The following CBS variants were observed in gnomAD, a reference collection of about 807,000 sequenced individuals.
CBS encodes beta-thionase.
For missense variants in CBS, 27 were observed against 124.8 expected (o/e 0.22, Z 3.73); for synonymous variants, 23 against 52.2 (o/e 0.44, Z 2.41).
chr21:43,066,244 G>A lies in CBS; in HGVS notation c.450C>T (p.Thr150=), dbSNP rs750030593. The stretch of plus-strand genomic sequence containing the variant: ...ACCCCCTCTGGGCCTGGCACCCACC[G>A]GTGTTCCCGGATGTCGGCTCGATAA... ...DTIIEPTSGN[T]GIGLALAAAV... is the part of the protein sequence containing the mutation. Residue 150 remains threonine, a splice_region_variant and synonymous_variant, in exon 5 of 17, where the codon ACC becomes ACT. Transcript: ENST00000398165. 5.2e-6 allele frequency: 7 copies of A among 1,349,502 alleles called. No individual in the cohort carries two copies. The highest frequency in any genetic ancestry group is 2.2e-4 in the Middle Eastern group (1 of 4,636). 83.6% of individuals were successfully genotyped at this position (1,349,502 alleles called of 1,614,324 possible).
rs1313158756 is a variant in CBS, at chr21:43,066,851, C to A, written c.317-474G>T. Among the ~76,000 whole-genome samples the A allele has an allele frequency of 2.8e-5, 3 of 106,720 alleles. 1 individual carries two copies. The highest frequency in any genetic ancestry group is 7.8e-5 in the Admixed American group (1 of 12,832). 70.0% of individuals were successfully genotyped at this position (106,720 alleles called of 152,430 possible). A position where few individuals can be genotyped will look rare whatever the true frequency, so the allele number is the denominator to read the frequency against. ...TCTCCCTACAGCCTCCCATTGTCCT[C>A]CTCCCCCTGTGGGGCGTCACCTGCC... On this transcript the variant is annotated intron_variant, in intron 4 of 16. Coordinates refer to ENST00000398165, the MANE Select transcript of CBS (RefSeq NM_000071.3).
chr21:43,068,657 A>G, intron 3 of CBS, 42 bp from the exon 4 acceptor site: 6 of 362,870 alleles, frequency 1.7e-5, no homozygotes, highest in South Asian at 1.3e-4. Context: ...AAAAAAAAAA[A>G]AATAGTACCA....
rs1982689646 is a variant in CBS, at chr21:43,066,104, G to C, written c.451+139C>G. The C allele has an allele frequency of 5.2e-6, 3 of 580,848 alleles. No homozygotes were observed. In the Admixed American group the frequency reaches 7.2e-5, roughly 14 times the overall value. 36.0% of individuals were successfully genotyped at this position (580,848 alleles called of 1,614,324 possible). ...AGGTTGGGACACAGGCCGGCAGCGG[G>C]TGCAAGATGCCAGGGAGCAGGCGGC... On this transcript the variant is annotated intron_variant, in intron 5 of 16. Coordinates refer to ENST00000398165, the MANE Select transcript of CBS (RefSeq NM_000071.3).
chr21:43,066,647 T>TG (rs1403029712), intron 4 of CBS, among the ~76,000 whole-genome samples: 1 of 68,588 alleles, frequency 1.5e-5, no homozygotes, highest in Non-Finnish European at 2.8e-5. Context: ...CAGCCCTCAC[T>TG]GGGGGGCGCC....
In CBS at chr21:43,066,171, C is replaced by T; in HGVS notation, c.451+72G>A. ...TGCGGCTGCAGCTCAGCCATCCCCC[C>T]CGGGTCCCGGCAGGCTCGGCATGGG... On this transcript the variant is annotated intron_variant, in intron 5 of 16. Coordinates refer to ENST00000398165, the MANE Select transcript of CBS (RefSeq NM_000071.3). 4 of 1,275,664 alleles carry T rather than the reference C, an allele frequency of 3.1e-6. 1 individual carries two copies. Among genetic ancestry groups the T allele is most frequent in the Non-Finnish European group, 3.3e-6 (3 of 913,132 alleles). 79.0% of individuals were successfully genotyped at this position (1,275,664 alleles called of 1,614,324 possible). A position where few individuals can be genotyped will look rare whatever the true frequency, so the allele number is the denominator to read the frequency against.
intron 4 of CBS, chr21:43,067,961 C>T (rs1983032660): frequency 8.7e-6 from 1 of 115,124 alleles, no homozygotes; most frequent in Non-Finnish European, 1.9e-5. Flanking sequence ...AAGAAATGCC[C>T]TTCCCCGGAG....
rs368848051 is a variant in CBS at position 43,056,792 on chromosome 21, G to A, written c.1552+11C>T. The A allele has an allele frequency of 7.3e-6, 1 of 137,886 alleles. No homozygotes were observed. The highest frequency in any genetic ancestry group is 1.4e-5 in the Non-Finnish European group (1 of 70,422). 8.5% of individuals were successfully genotyped at this position (137,886 alleles called of 1,614,324 possible). On this transcript the variant is annotated intron_variant, in intron 16 of 16. Coordinates refer to ENST00000398165, the MANE Select transcript of CBS (RefSeq NM_000071.3). ...GTGAGAACCCCACGCACAGAGCAGG[G>A]CCCCACTCACACTGGATCTGCTCGT...
Position 43,066,149 on chromosome 21 carries a change from G to A in CBS, c.451+94C>T, listed in dbSNP as rs1246332135. On this transcript the variant is annotated intron_variant, in intron 5 of 16. Transcript: ENST00000398165. ...GGCGGCCAGGCGGGCCAGCACATGCGGCTGCAGCTCAGCCATCCCCCCCGG... is the reference window on the plus strand; with the variant it reads ...GGCGGCCAGGCGGGCCAGCACATGCAGCTGCAGCTCAGCCATCCCCCCCGG... 6.3e-6 allele frequency: 7 copies of A among 1,109,538 alleles called. 1 individual carries two copies. Among genetic ancestry groups the A allele is most frequent in the East Asian group, 4.6e-5 (2 of 43,138 alleles). 68.7% of individuals were successfully genotyped at this position (1,109,538 alleles called of 1,614,324 possible).
At chr21:43,067,822 C>T (rs989386724) in intron 4 of CBS, 2 of 373,580 alleles carry the variant, frequency 5.4e-6, no homozygotes, top group African/African-American at 3.3e-5. Context: ...CCCGCCTTGT[C>T]CCCAAGGCCT....
rs532629910 is a variant in CBS, at chr21:43,066,857, C to G, written c.317-480G>C. Among the ~76,000 whole-genome samples, 94 of 114,540 alleles carry G rather than the reference C, an allele frequency of 8.2e-4. 19 individuals carry two copies. Among genetic ancestry groups the G allele is most frequent in the Non-Finnish European group, 1.5e-3 (84 of 56,586 alleles). 75.1% of individuals were successfully genotyped at this position (114,540 alleles called of 152,430 possible). Reference sequence around the variant, plus strand: ...TACAGCCTCCCATTGTCCTCCTCCCCCTGTGGGGCGTCACCTGCCCGGGGA... The same window carrying G: ...TACAGCCTCCCATTGTCCTCCTCCCGCTGTGGGGCGTCACCTGCCCGGGGA... On this transcript the variant is annotated intron_variant, in intron 4 of 16. Coordinates refer to ENST00000398165, the MANE Select transcript of CBS (RefSeq NM_000071.3).
rs187315680 is a variant in CBS at position 43,066,661 on chromosome 21, G to A, written c.317-284C>T. 1.2e-4 allele frequency among the ~76,000 whole-genome samples: 9 copies of A among 72,718 alleles called. 2 individuals carry two copies. The highest frequency in any genetic ancestry group is 7.5e-4 in the Admixed American group (7 of 9,324). The allele number at this position is 72,718 out of a possible 152,430, so 47.7% of individuals were successfully genotyped here. A position where few individuals can be genotyped will look rare whatever the true frequency, so the allele number is the denominator to read the frequency against. On this transcript the variant is annotated intron_variant, in intron 4 of 16. Coordinates refer to ENST00000398165, the MANE Select transcript of CBS (RefSeq NM_000071.3). The stretch of plus-strand genomic sequence containing the variant: ...GCAGCCCTCACTGGGGGGCGCCGCA[G>A]AAAACCCCGTCCCCCCACCCACGAG...
chr21:43,068,269 C>A, intron 4 of CBS: 1 of 402,294 alleles, frequency 2.5e-6, no homozygotes, highest in East Asian at 3.7e-5. Flanking sequence ...GTTCAAAGGT[C>A]ACCTGTTCGT....
intron 16 of CBS, 98 bp downstream of exon 16, chr21:43,056,705 G>A (rs112883646): frequency 1.8e-5 from 1 of 55,608 alleles, no homozygotes. Flanking sequence ...CTAACACCCC[G>A]CAGGGGATGG....
rs2298761 is a variant in CBS at position 43,066,102 on chromosome 21, G to A, written c.451+141C>T. 8.4e-4 allele frequency: 475 copies of A among 565,084 alleles called. 19 individuals are homozygous for A. In the East Asian group the frequency reaches 0.013, roughly 15 times the overall value. The allele number at this position is 565,084 out of a possible 1,614,324, so 35.0% of individuals were successfully genotyped here. On this transcript the variant is annotated intron_variant, in intron 5 of 16. Transcript: ENST00000398165. ...CTAGGTTGGGACACAGGCCGGCAGC[G>A]GGTGCAAGATGCCAGGGAGCAGGCG...
In CBS at chr21:43,068,541, A is replaced by G. The variant is rs1347662650; in HGVS notation, c.284T>C (p.Ile95Thr). 4 of 393,198 alleles carry G rather than the reference A, an allele frequency of 1.0e-5. No homozygotes were observed. The highest frequency in any genetic ancestry group is 3.6e-5 in the Admixed American group (1 of 27,834). The allele number at this position is 393,198 out of a possible 1,614,324, so 24.4% of individuals were successfully genotyped here. A position where few individuals can be genotyped will look rare whatever the true frequency, so the allele number is the denominator to read the frequency against. ...GDTPMVRINKIGKKFGLKCEL... is the reference protein window; with the variant it reads ...GDTPMVRINKTGKKFGLKCEL... ...ACACTTCAGGCCGAACTTCTTCCCA[A>G]TCTTGTTGATTCTGACCATAGGGGT... is the stretch of plus-strand genomic sequence containing the variant. The change falls in exon 4 of 17, where the codon ATT (isoleucine) becomes ACT (threonine). Residue 95 changes from isoleucine (I) to threonine (T), a missense_variant. Ile to Thr is a moderately conservative substitution (Grantham distance 89). Coordinates refer to ENST00000398165, the MANE Select transcript of CBS (RefSeq NM_000071.3).
Position 43,066,124 on chromosome 21 carries a change from G to A in CBS, c.451+119C>T. The stretch of plus-strand genomic sequence containing the variant: ...AGCGGGTGCAAGATGCCAGGGAGCA[G>A]GCGGCCAGGCGGGCCAGCACATGCG... On this transcript the variant is annotated intron_variant, in intron 5 of 16. Transcript: ENST00000398165. 2.7e-6 allele frequency: 2 copies of A among 753,484 alleles called. 1 individual carries two copies. The highest frequency in any genetic ancestry group is 4.4e-6 in the Non-Finnish European group (2 of 453,550). 46.7% of individuals were successfully genotyped at this position (753,484 alleles called of 1,614,324 possible). A position where few individuals can be genotyped will look rare whatever the true frequency, so the allele number is the denominator to read the frequency against.
intron 4 of CBS, 127 bp downstream of exon 4, chr21:43,068,382 T>C: frequency 4.1e-6 from 1 of 245,744 alleles, no homozygotes; most frequent in East Asian, 5.8e-5. Flanking sequence ...GGCCACTCAT[T>C]AACCAGCGAG....
At chr21:43,059,962 AAC>A (rs779387250) in intron 12 of CBS, among the ~76,000 whole-genome samples, 2 of 143,334 alleles carry the variant, frequency 1.4e-5, no homozygotes, top group African/African-American at 2.5e-5. Context: ...CTCTGGGCAA[AAC>A]AGTCACAGCA....
intron 4 of CBS, chr21:43,067,820 G>T: frequency 2.7e-6 from 1 of 375,912 alleles, no homozygotes; most frequent in South Asian, 1.7e-5. Flanking sequence ...TCCCCGCCTT[G>T]TCCCCAAGGC....
Sources: gnomAD v4.1 joint callset for allele counts (sites outside exome capture counted in the v4.1 genomes callset) on GRCh38, gnomAD v4.1.1 for gene constraint, MANE v1.5 for transcripts, NCBI Gene and HGNC (gene_info 2026-07-23, HGNC 2026-07-21) for gene names.